LNP1: variants seen among roughly 807,000 people sequenced by gnomAD.
LNP1 encodes leukemia NUP98 fusion partner 1.
LNP1 carries 12 observed loss-of-function variants against 14.5 expected under a neutral mutation model. The observed-to-expected ratio is 0.83, with a 90% confidence interval of 0.53 to 1.34. The LOEUF (loss-of-function observed/expected upper bound fraction) is 1.34, where lower values mean the gene tolerates loss of function less well. LNP1 is among the 40% of genes most tolerant of loss of function. The pLI is 0.00. For missense variants in LNP1, 198 were observed against 210.9 expected, an observed-to-expected ratio of 0.94 and a Z score of 0.38; for synonymous variants, 75 against 71.4, an observed-to-expected ratio of 1.05 and a Z score of -0.26.
intron 2 of LNP1, among the ~76,000 whole-genome samples, chr3:100,445,201 G>A (rs1185273940): frequency 1.3e-5 from 2 of 152,184 alleles, no homozygotes; most frequent in East Asian, 3.9e-4. Context: ...GAACCCAGAG[G>A]CAGAGGTTGC....
intron 2 of LNP1, among the ~76,000 whole-genome samples, chr3:100,441,383 G>A (rs957483823): frequency 2.6e-5 from 4 of 152,118 alleles, no homozygotes; most frequent in African/African-American, 9.7e-5. Context: ...GAAATTGAGA[G>A]AGCAAATGTC....
intron 2 of LNP1, among the ~76,000 whole-genome samples, chr3:100,430,702 C>T (rs985723044): frequency 6.6e-6 from 1 of 152,182 alleles, no homozygotes; most frequent in African/African-American, 2.4e-5. Flanking sequence ...AACCCCGGAA[C>T]CAAGTAAGTT....
At chr3:100,427,351 A>C (rs1707203194) in intron 1 of LNP1, among the ~76,000 whole-genome samples, 1 of 152,114 alleles carries the variant, frequency 6.6e-6, no homozygotes, top group Admixed American at 6.5e-5. Context: ...TAATCCCTTC[A>C]TTTTAGCTAC....
intron 1 of LNP1, among the ~76,000 whole-genome samples, chr3:100,410,775 A>G (rs1707024856): frequency 6.6e-6 from 1 of 152,230 alleles, no homozygotes; most frequent in African/African-American, 2.4e-5. Context: ...GGATGGGACC[A>G]TAGAGCTATT....
chr3:100,429,672 T>G, intron 1 of LNP1, 25 bp from the exon 2 acceptor site: 2 of 1,485,654 alleles, frequency 1.3e-6, no homozygotes, highest in Non-Finnish European at 1.9e-6. Flanking sequence ...CCCTGTTGGG[T>G]GATATTTCCC....
At chr3:100,409,557 TACACAC>T (rs35651277) in intron 1 of LNP1, among the ~76,000 whole-genome samples, 1,295 of 126,310 alleles carry the variant, frequency 0.01, 18 homozygotes, top group African/African-American at 0.03. Flanking sequence ...TATATATACA[TACACAC>T]ACACACACAC....
intron 1 of LNP1, among the ~76,000 whole-genome samples, chr3:100,419,223 G>GT (rs1707120754): frequency 1.3e-5 from 2 of 152,184 alleles, no homozygotes; most frequent in African/African-American, 4.8e-5. Flanking sequence ...TCTTCCCAGA[G>GT]TACCTCTAAC....
chr3:100,448,140 C>A (rs527791374), intron 2 of LNP1, among the ~76,000 whole-genome samples: 1 of 152,196 alleles, frequency 6.6e-6, no homozygotes, highest in African/African-American at 2.4e-5. Context: ...CGTTATGGAA[C>A]CACCATTGTA....
intron 2 of LNP1, among the ~76,000 whole-genome samples, chr3:100,441,101 C>A (rs1222124989): frequency 1.3e-5 from 2 of 152,094 alleles, no homozygotes; most frequent in Non-Finnish European, 2.9e-5. Context: ...CCTTGGGGAG[C>A]CCCAACAGCT....
At chr3:100,423,306 TA>T (rs944907114) in intron 1 of LNP1, among the ~76,000 whole-genome samples, 4 of 150,458 alleles carry the variant, frequency 2.7e-5, no homozygotes, top group Middle Eastern at 3.2e-3. Flanking sequence ...AAAAACGAAA[TA>T]AAAAAAAATA....
chr3:100,440,770 G>C (rs921570614), intron 2 of LNP1, among the ~76,000 whole-genome samples: 2 of 152,154 alleles, frequency 1.3e-5, no homozygotes, highest in Non-Finnish European at 2.9e-5. Context: ...GTGGAGAAGA[G>C]AGGCACTGAA....
chr3:100,452,810 T>C (rs1707472767), intron 3 of LNP1, among the ~76,000 whole-genome samples: 1 of 152,118 alleles, frequency 6.6e-6, no homozygotes, highest in Non-Finnish European at 1.5e-5. Context: ...GAATAGAATC[T>C]CCACTGGTGA....
chr3:100,435,346 T>C (rs1707284038), intron 2 of LNP1, among the ~76,000 whole-genome samples: 1 of 152,202 alleles, frequency 6.6e-6, no homozygotes, highest in Non-Finnish European at 1.5e-5. Context: ...AGCATAACTC[T>C]GAGCAAGCTG....
chr3:100,433,346 G>T (rs964329613), intron 2 of LNP1, among the ~76,000 whole-genome samples: 7 of 152,156 alleles, frequency 4.6e-5, no homozygotes, highest in Non-Finnish European at 1.0e-4. Context: ...GTGTTAGTTT[G>T]CTGAGGGTGA....
At chr3:100,411,699 T>C (rs1443546121) in intron 1 of LNP1, among the ~76,000 whole-genome samples, 2 of 152,180 alleles carry the variant, frequency 1.3e-5, no homozygotes, top group Non-Finnish European at 2.9e-5. Context: ...ACATGACCTC[T>C]TTGTATGCAT....
chr3:100,433,100 C>CA (rs1707257629), intron 2 of LNP1, among the ~76,000 whole-genome samples: 1 of 152,118 alleles, frequency 6.6e-6, no homozygotes, highest in Non-Finnish European at 1.5e-5. Context: ...GCAGAACGTG[C>CA]AGGTTTGTTA....
intron 1 of LNP1, among the ~76,000 whole-genome samples, chr3:100,404,103 G>A (rs961503748): frequency 1.3e-5 from 2 of 152,082 alleles, no homozygotes; most frequent in Non-Finnish European, 2.9e-5. Flanking sequence ...TACTTATTTG[G>A]CACCCATTTC....
chr3:100,403,169 TACC>T (rs2148897310), intron 1 of LNP1, among the ~76,000 whole-genome samples: 1 of 152,362 alleles, frequency 6.6e-6, no homozygotes, highest in Admixed American at 6.5e-5. Flanking sequence ...TGAAAACATC[TACC>T]TCTCAGGCTA....
chr3:100,409,606 A>ATATTT (rs1429906485), intron 1 of LNP1, among the ~76,000 whole-genome samples: 79 of 124,452 alleles, frequency 6.3e-4, no homozygotes, highest in African/African-American at 2.3e-3. Context: ...ATATATATAT[A>ATATTT]TTTTTTTTTT....
Sources: gnomAD v4.1 joint callset for allele counts (sites outside exome capture counted in the v4.1 genomes callset) on GRCh38, gnomAD v4.1.1 for gene constraint, MANE v1.5 for transcripts, NCBI Gene and HGNC (gene_info 2026-07-23, HGNC 2026-07-21) for gene names.